The following TIAM1 variants were observed in gnomAD, a reference collection of about 807,000 sequenced individuals.
The protein encoded by TIAM1 is TIAM Rac1 associated GEF 1.
TIAM1 carries 65 observed loss-of-function variants against 163.5 expected under a neutral mutation model. That is an observed-to-expected ratio of 0.40 (90% confidence interval 0.33 to 0.49). The LOEUF (loss-of-function observed/expected upper bound fraction) is 0.49, where lower values mean the gene tolerates loss of function less well. Among genes scored for constraint, TIAM1 ranks in the 20% least tolerant of loss-of-function variants. TIAM1 has a pLI of 0.77. For synonymous variants in TIAM1, 833 were observed against 810.1 expected (o/e 1.03, Z -0.48); for missense variants, 1,789 against 2,044.7 (o/e 0.87, Z 2.41).
chr21:31,476,467 G>A (rs906920335), intron 1 of TIAM1, among the ~76,000 whole-genome samples: 1 of 152,220 alleles, frequency 6.6e-6, no homozygotes. Context: ...TGGGTTGAGC[G>A]AGGGAGCTGT....
intron 1 of TIAM1, among the ~76,000 whole-genome samples, chr21:31,491,326 G>C (rs2046462464): frequency 6.6e-6 from 1 of 152,190 alleles, no homozygotes; most frequent in South Asian, 2.1e-4. Context: ...GGTATGTTTG[G>C]TTGGGTGTTT....
At chr21:31,354,969 G>C (rs2076291417) in intron 2 of TIAM1, among the ~76,000 whole-genome samples, 1 of 152,118 alleles carries the variant, frequency 6.6e-6, no homozygotes, top group African/African-American at 2.4e-5. Context: ...TCAGGCTTAT[G>C]ATTCAGACTT....
intron 2 of TIAM1, among the ~76,000 whole-genome samples, chr21:31,325,210 G>C (rs2075445540): frequency 6.6e-6 from 1 of 151,974 alleles, no homozygotes; most frequent in South Asian, 2.1e-4. Flanking sequence ...CTTGAGCCTA[G>C]GAGGTGGAGG....
chr21:31,449,597 C>G (rs1324144648), intron 2 of TIAM1, among the ~76,000 whole-genome samples: 1 of 151,962 alleles, frequency 6.6e-6, no homozygotes, highest in Non-Finnish European at 1.5e-5. Context: ...AGGCTGGTCT[C>G]GAACTCCTGA....
At chr21:31,212,646 T>C (rs1466975636) in intron 10 of TIAM1, 1 of 136,932 alleles carries the variant, frequency 7.3e-6, no homozygotes, top group Admixed American at 8.3e-5. Context: ...AGAGTCTTGC[T>C]CGGTTGCACA....
intron 2 of TIAM1, among the ~76,000 whole-genome samples, chr21:31,277,813 T>C (rs1005920539): frequency 1.3e-5 from 2 of 152,182 alleles, no homozygotes; most frequent in African/African-American, 4.8e-5. Flanking sequence ...GAACCCTCTC[T>C]TAGAGTCTGG....
intron 1 of TIAM1, among the ~76,000 whole-genome samples, chr21:31,529,728 CAT>C (rs1287052721): frequency 6.6e-6 from 1 of 152,152 alleles, no homozygotes; most frequent in Non-Finnish European, 1.5e-5. Flanking sequence ...GCTGTGCAGA[CAT>C]GTGTTTATAA....
At chr21:31,453,645 G>A (rs571623254) in intron 2 of TIAM1, among the ~76,000 whole-genome samples, 17 of 150,870 alleles carry the variant, frequency 1.1e-4, no homozygotes, top group Admixed American at 7.9e-4. Context: ...GTGAGATTGC[G>A]CCACTGCACT....
chr21:31,186,058 C>T (rs1038767339), intron 14 of TIAM1, among the ~76,000 whole-genome samples: 2 of 152,178 alleles, frequency 1.3e-5, no homozygotes, highest in Admixed American at 6.5e-5. Context: ...TACAGTAGCT[C>T]TAAGAAATTA....
chr21:31,237,010 A>T (rs2070929453), intron 6 of TIAM1, among the ~76,000 whole-genome samples: 1 of 152,222 alleles, frequency 6.6e-6, no homozygotes, highest in African/African-American at 2.4e-5. Context: ...ATATAGAAAC[A>T]AAGAGAAATG....
At chr21:31,132,893 T>G (rs577151876) in intron 23 of TIAM1, among the ~76,000 whole-genome samples, 1 of 152,336 alleles carries the variant, frequency 6.6e-6, no homozygotes, top group Non-Finnish European at 1.5e-5. Context: ...CTATTTCTAT[T>G]TTTGTTTGTT....
chr21:31,275,530 C>A (rs1430557264), intron 3 of TIAM1, among the ~76,000 whole-genome samples: 1 of 152,194 alleles, frequency 6.6e-6, no homozygotes, highest in Non-Finnish European at 1.5e-5. Context: ...TTCAATGGCA[C>A]ACTGACCTCC....
intron 10 of TIAM1, among the ~76,000 whole-genome samples, chr21:31,210,661 GAAA>G (rs1569032756): frequency 9.8e-4 from 20 of 20,344 alleles, no homozygotes; most frequent in African/African-American, 4.3e-3. Flanking sequence ...AAGAAAGAAA[GAAA>G]GAAAAAGAAA....
intron 4 of TIAM1, 136 bp from the exon 5 acceptor site, chr21:31,252,325 G>C (rs1038816842): frequency 1.1e-6 from 1 of 933,814 alleles, no homozygotes; most frequent in Non-Finnish European, 1.6e-6. Context: ...CACTCCTGAC[G>C]GCTCCTGGAC....
At chr21:31,221,190 C>T (rs557593635) in intron 8 of TIAM1, among the ~76,000 whole-genome samples, 1 of 152,272 alleles carries the variant, frequency 6.6e-6, no homozygotes, top group East Asian at 1.9e-4. Flanking sequence ...ATTCCCTGCC[C>T]GGGATCTTCC....
At chr21:31,165,128 CT>C (rs1247330686) in intron 15 of TIAM1, 63 bp from the exon 16 acceptor site, 3 of 1,482,336 alleles carry the variant, frequency 2.0e-6, no homozygotes, top group South Asian at 2.3e-5. Context: ...AAAGCCACCC[CT>C]GTGTGAGGGG....
chr21:31,180,132 C>T (rs1045024671), intron 15 of TIAM1, among the ~76,000 whole-genome samples: 25 of 152,126 alleles, frequency 1.6e-4, no homozygotes, highest in African/African-American at 6.0e-4. Flanking sequence ...TCTCAAATTC[C>T]TGACCTCAGG....
intron 2 of TIAM1, among the ~76,000 whole-genome samples, chr21:31,454,322 T>C (rs2045003609): frequency 6.6e-6 from 1 of 152,258 alleles, no homozygotes; most frequent in Non-Finnish European, 1.5e-5. Flanking sequence ...GGTCTACATG[T>C]ATTACTGTTG....
At chr21:31,350,934 C>T (rs1320018489) in intron 2 of TIAM1, among the ~76,000 whole-genome samples, 1 of 152,198 alleles carries the variant, frequency 6.6e-6, no homozygotes, top group Admixed American at 6.5e-5. Flanking sequence ...GTACTAACCA[C>T]AGGCACAAAA....
Sources: allele counts gnomAD v4.1 joint callset (sites outside exome capture counted in the v4.1 genomes callset), GRCh38; gene constraint gnomAD v4.1.1; transcripts MANE v1.5; gene names NCBI Gene and HGNC (gene_info 2026-07-23, HGNC 2026-07-21).